The following TRIM71 variants were observed in gnomAD, a reference collection of about 807,000 sequenced individuals.
TRIM71 encodes tripartite motif containing 71, also known as E3 ubiquitin-protein ligase TRIM71.
A neutral mutation model predicts 61.2 loss-of-function variants in TRIM71; 9 were observed. The observed-to-expected ratio is 0.15, with a 90% CI of 0.09 to 0.26. TRIM71 has a LOEUF of 0.26. TRIM71 is among the 10% of genes least tolerant of loss of function. The pLI, the probability that TRIM71 is intolerant of heterozygous loss-of-function variation, is 1.00. For missense variants in TRIM71, 998 were observed against 1,238.7 expected, an observed-to-expected ratio of 0.81 and a Z score of 2.92; for synonymous variants, 645 against 553.2, an observed-to-expected ratio of 1.17 and a Z score of -2.33.
chr3:32,859,824 A>C (rs1696645084), intron 1 of TRIM71, among the ~76,000 whole-genome samples: 3 of 152,122 alleles, frequency 2.0e-5, no homozygotes, highest in Non-Finnish European at 4.4e-5. Flanking sequence ...AGGGACTGGG[A>C]CTTTATTTCT....
intron 1 of TRIM71, among the ~76,000 whole-genome samples, chr3:32,828,276 A>G (rs1255955817): frequency 6.6e-6 from 1 of 152,170 alleles, no homozygotes; most frequent in Non-Finnish European, 1.5e-5. Context: ...GCAGGAGAGT[A>G]GAAAGTTTAG....
rs1431207903 is a variant in TRIM71 at position 32,818,037 on chromosome 3, C to CCT, written c.-41_-40dup. 1.9e-6 allele frequency: 3 copies of CCT among 1,585,888 alleles called. No individual in the cohort carries two copies. The highest frequency in any genetic ancestry group is 2.6e-6 in the Non-Finnish European group (3 of 1,158,620). On this transcript the variant is annotated 5_prime_UTR_variant, in exon 1 of 4. Coordinates refer to ENST00000383763, the MANE Select transcript of TRIM71 (RefSeq NM_001039111.3). ...TCGTCCGCTCTCTCCTCCTCCTCCT[C>CCT]CTCTTCCTCTCTGGTCTCCTCCCTC... is the stretch of plus-strand genomic sequence containing the variant.
At position 32,818,643 on chromosome 3, in the gene TRIM71, C is replaced by T. The variant is rs773330912; in HGVS notation, c.563C>T (p.Pro188Leu). The T allele has an allele frequency of 1.8e-5, 26 of 1,470,906 alleles. No homozygotes were observed. Among genetic ancestry groups the T allele is most frequent in the Non-Finnish European group, 2.2e-5 (25 of 1,120,606 alleles). 91.1% of individuals were successfully genotyped at this position (1,470,906 alleles called of 1,614,324 possible). ...RSAPGGPAASPSALLLRRPHG... is the reference protein window; with the variant it reads ...RSAPGGPAASLSALLLRRPHG... ...GCACCCGGCGGCCCTGCCGCTTCCC[C>T]GTCGGCGCTGCTGCTCCGCCGTCCT... Residue 188 changes from proline to leucine, a missense_variant, in exon 1 of 4, where the codon CCG (proline) becomes CTG (leucine). Coordinates refer to ENST00000383763, the MANE Select transcript of TRIM71 (RefSeq NM_001039111.3).
chr3:32,890,575 C>T lies in TRIM71; in HGVS notation c.1371C>T (p.Asp457=). 1.2e-6 allele frequency: 2 copies of T among 1,614,020 alleles called. No individual in the cohort carries two copies. Among genetic ancestry groups the T allele is most frequent in the South Asian group, 1.1e-5 (1 of 91,088 alleles). The change falls in exon 4 of 4, where the codon GAC becomes GAT. Residue 457 remains aspartate (D), a synonymous_variant. Coordinates refer to ENST00000383763, the MANE Select transcript of TRIM71 (RefSeq NM_001039111.3). This position sits in a 1 kb window ranked among gnomAD's most constrained non-coding sequence, Gnocchi z 6.2. ...VRSLLQPQED[D]RVMFTPPDQA... is the part of the protein sequence containing the mutation. ...GCCTCCTGCAGCCCCAGGAAGACGACCGAGTCATGTTCACACCCCCCGATC... is the reference window on the plus strand; with the variant it reads ...GCCTCCTGCAGCCCCAGGAAGACGATCGAGTCATGTTCACACCCCCCGATC...
Position 32,891,246 on chromosome 3 carries a change from C to T in TRIM71, c.2042C>T (p.Thr681Met). Reference protein sequence around the residue: ...DKDNHRIQIFTFEGQFLLKFG... With the variant: ...DKDNHRIQIFMFEGQFLLKFG... ...GACAATCATCGCATCCAGATCTTCA[C>T]GTTCGAGGGCCAGTTCCTCCTCAAG... Residue 681 changes from threonine to methionine, a missense_variant, in exon 4 of 4, where the codon ACG becomes ATG. By Grantham distance (81) the Thr-to-Met change is moderately conservative. Transcript: ENST00000383763. This position sits in a 1 kb window ranked among gnomAD's most constrained non-coding sequence, Gnocchi z 8.2. 1.9e-6 allele frequency: 3 copies of T among 1,613,296 alleles called. No homozygotes were observed. Among genetic ancestry groups the T allele is most frequent in the Non-Finnish European group, 2.5e-6 (3 of 1,179,498 alleles).
In TRIM71 at chr3:32,893,812, T is replaced by G. The variant is rs927017474; in HGVS notation, c.*2001T>G. Reference sequence around the variant, plus strand: ...CTACTACTACAAGCTACTCTGTCTCTTCCCATTGCTTTAATTCTAGGGTTT... The same window carrying G: ...CTACTACTACAAGCTACTCTGTCTCGTCCCATTGCTTTAATTCTAGGGTTT... On this transcript the variant is annotated 3_prime_UTR_variant, in exon 4 of 4. Coordinates refer to ENST00000383763, the MANE Select transcript of TRIM71 (RefSeq NM_001039111.3). 1 of 152,158 alleles carries G rather than the reference T, an allele frequency of 6.6e-6. No individual in the cohort carries two copies. The highest frequency in any genetic ancestry group is 2.4e-5 in the African/African-American group (1 of 41,438). The allele number at this position is 152,158 out of a possible 1,614,324, so 9.4% of individuals were successfully genotyped here. A position where few individuals can be genotyped will look rare whatever the true frequency, so the allele number is the denominator to read the frequency against.
intron 1 of TRIM71, among the ~76,000 whole-genome samples, chr3:32,855,433 G>A (rs974169803): frequency 5.9e-5 from 9 of 152,212 alleles, no homozygotes; most frequent in South Asian, 4.1e-4. Context: ...CCAGCCAAAC[G>A]CTGTGGGCAC....
At chr3:32,837,798 T>A (rs1696351881) in intron 1 of TRIM71, among the ~76,000 whole-genome samples, 2 of 143,444 alleles carry the variant, frequency 1.4e-5, no homozygotes, top group African/African-American at 4.9e-5. Context: ...AGAGCGAGAC[T>A]CCATCTCAAA....
At chr3:32,832,033 CCTTG>C (rs1252382677) in intron 1 of TRIM71, among the ~76,000 whole-genome samples, 1 of 152,138 alleles carries the variant, frequency 6.6e-6, no homozygotes, top group Admixed American at 6.5e-5. Context: ...ACATCCTGTT[CCTTG>C]CTTTAGTCTT....
intron 1 of TRIM71, among the ~76,000 whole-genome samples, chr3:32,837,135 AT>A (rs1277727073): frequency 1.3e-5 from 2 of 152,232 alleles, no homozygotes; most frequent in African/African-American, 4.8e-5. Context: ...CCCAAATGTA[AT>A]CATTGTTAAC....
At chr3:32,844,116 G>T (rs533612303) in intron 1 of TRIM71, among the ~76,000 whole-genome samples, 1 of 152,100 alleles carries the variant, frequency 6.6e-6, no homozygotes, top group East Asian at 1.9e-4. Context: ...ATTTTGTGTG[G>T]TTGTGTAAAT....
chr3:32,866,883 T>C (rs1252033389), intron 1 of TRIM71, among the ~76,000 whole-genome samples: 5 of 152,154 alleles, frequency 3.3e-5, no homozygotes, highest in African/African-American at 1.2e-4. Flanking sequence ...TAGTGAAGAA[T>C]TTTTAAAGAA....
At chr3:32,835,994 T>A (rs1279701919) in intron 1 of TRIM71, among the ~76,000 whole-genome samples, 1 of 152,156 alleles carries the variant, frequency 6.6e-6, no homozygotes, top group Non-Finnish European at 1.5e-5. Context: ...GCCTTTATGG[T>A]GTGAAATTTA....
At chr3:32,874,038 T>C (rs1696826034) in intron 2 of TRIM71, 53 bp downstream of exon 2, 1 of 1,534,104 alleles carries the variant, frequency 6.5e-7, no homozygotes, top group South Asian at 1.2e-5. Context: ...CCCCCCTTTC[T>C]GTCGGGTGGC....
chr3:32,857,194 C>T (rs1393438933), intron 1 of TRIM71, among the ~76,000 whole-genome samples: 6 of 152,222 alleles, frequency 3.9e-5, no homozygotes, highest in Admixed American at 2.6e-4. Context: ...TCGAATTCTT[C>T]CTCTGCACTT....
At chr3:32,866,498 ATTACAGGC>A (rs1696738088) in intron 1 of TRIM71, among the ~76,000 whole-genome samples, 1 of 152,172 alleles carries the variant, frequency 6.6e-6, no homozygotes, top group South Asian at 2.1e-4. Context: ...AAGTTCTGGG[ATTACAGGC>A]GTGAGCCACC....
At chr3:32,879,743 C>G (rs753711365) in intron 2 of TRIM71, among the ~76,000 whole-genome samples, 1 of 151,042 alleles carries the variant, frequency 6.6e-6, no homozygotes, top group African/African-American at 2.4e-5. Flanking sequence ...GAGGCTGAGG[C>G]GGGAGGATCA....
chr3:32,882,072 G>A (rs1696914647), intron 2 of TRIM71, among the ~76,000 whole-genome samples: 1 of 152,188 alleles, frequency 6.6e-6, no homozygotes, highest in Non-Finnish European at 1.5e-5. Flanking sequence ...TAGGAGACTA[G>A]GGGAAGAGGT....
At position 32,853,144 on chromosome 3, in the gene TRIM71, TCTCA is replaced by T. The variant is rs1696558288; in HGVS notation, c.853-20670_853-20667del. Among the ~76,000 whole-genome samples, 3 of 146,382 alleles carry T rather than the reference TCTCA, an allele frequency of 2.0e-5. No homozygotes were observed. In the Admixed American group the frequency reaches 2.1e-4, roughly 10 times the overall value. ...TCTTTTTTTTTTTTTTTTGAGACAG[TCTCA>T]CTCTGTCACCCAGGCTGTACTGCAG... is the stretch of plus-strand genomic sequence containing the variant. On this transcript the variant is annotated intron_variant, in intron 1 of 3. Coordinates refer to ENST00000383763, the MANE Select transcript of TRIM71 (RefSeq NM_001039111.3).
Sources: gnomAD v4.1 joint callset for allele counts (sites outside exome capture counted in the v4.1 genomes callset) on GRCh38, gnomAD v4.1.1 for gene constraint, Gnocchi (gnomAD v3.1) non-coding constraint, MANE v1.5 for transcripts, NCBI Gene and HGNC (gene_info 2026-07-23, HGNC 2026-07-21) for gene names.